The following GBX1 variants were observed in gnomAD, a reference collection of about 807,000 sequenced individuals.
The protein encoded by GBX1 is homeobox protein GBX-1.
A neutral mutation model predicts 22.9 loss-of-function variants in GBX1; 9 were observed. The ratio of observed to expected loss-of-function variants is 0.39; its 90% CI spans 0.24 to 0.69. The LOEUF (loss-of-function observed/expected upper bound fraction) is 0.69. Ranked by LOEUF, GBX1 falls within the 30% of genes least tolerant of loss-of-function variation. The pLI is 0.43. For synonymous variants in GBX1, 203 were observed against 227.3 expected, an observed-to-expected ratio of 0.89 and a Z score of 0.96; for missense variants, 494 against 509.2, an observed-to-expected ratio of 0.97 and a Z score of 0.29.
rs1289578110 is a variant in GBX1 at position 151,148,145 on chromosome 7, A to C, written c.*444T>G. Among the ~76,000 whole-genome samples, 3 of 152,184 alleles carry C rather than the reference A, an allele frequency of 2.0e-5. No individual in the cohort carries two copies. The highest frequency in any genetic ancestry group is 2.0e-4 in the Admixed American group (3 of 15,272). On this transcript the variant is annotated 3_prime_UTR_variant, in exon 2 of 2. Transcript: ENST00000297537. The surrounding 1 kb of genome is among the most constrained non-coding windows in gnomAD (Gnocchi z 5.1). ...CTCAGGGGTGCAGACAGACGTACAG[A>C]GACAGATAGCTCCATATATACACAT...
At chr7:151,154,177 C>A (rs1801109324) in intron 1 of GBX1, among the ~76,000 whole-genome samples, 1 of 152,002 alleles carries the variant, frequency 6.6e-6, no homozygotes, top group African/African-American at 2.4e-5. Context: ...CGCCACTGCA[C>A]TCCAGCCTGG....
At position 151,149,235 on chromosome 7, in the gene GBX1, G is replaced by A. The variant is rs141040962; in HGVS notation, c.539-93C>T. 3 of 1,249,198 alleles carry A rather than the reference G, an allele frequency of 2.4e-6. No individual in the cohort carries two copies. The East Asian group carries it at 7.0e-5, about 29-fold the overall frequency. The allele number at this position is 1,249,198 out of a possible 1,614,324, so 77.4% of individuals were successfully genotyped here. ...ATGGAACCATGGCCAGAAATGGGGG[G>A]TTGGGAGACAAGAGCAGGAAAAAAG... is the stretch of plus-strand genomic sequence containing the variant. On this transcript the variant is annotated intron_variant, in intron 1 of 1. Coordinates refer to ENST00000297537, the MANE Select transcript of GBX1 (RefSeq NM_001098834.3).
intron 1 of GBX1, among the ~76,000 whole-genome samples, chr7:151,164,988 AAC>A (rs373616161): frequency 6.2e-4 from 93 of 150,532 alleles, no homozygotes; most frequent in South Asian, 1.1e-3. Flanking sequence ...CACACACACA[AAC>A]ACACACACAC....
At chr7:151,157,012 T>C (rs1162802412) in intron 1 of GBX1, among the ~76,000 whole-genome samples, 1 of 136,762 alleles carries the variant, frequency 7.3e-6, no homozygotes, top group Non-Finnish European at 1.6e-5. Flanking sequence ...AAAAAGTGTA[T>C]TTTCTAACTT....
In GBX1 at chr7:151,148,452, C is replaced by T. The variant is rs1017859891; in HGVS notation, c.*137G>A. 1.3e-6 allele frequency: 1 copy of T among 785,600 alleles called. No homozygotes were observed. Among genetic ancestry groups the T allele is most frequent in the Non-Finnish European group, 2.0e-6 (1 of 495,366 alleles). 48.7% of individuals were successfully genotyped at this position (785,600 alleles called of 1,614,324 possible). ...GGGAGGAGTCTGGGAAGAGCACACCCAGGGCTAGGTTAATTGCCAACTAGC... is the reference window on the plus strand; with the variant it reads ...GGGAGGAGTCTGGGAAGAGCACACCTAGGGCTAGGTTAATTGCCAACTAGC... On this transcript the variant is annotated 3_prime_UTR_variant, in exon 2 of 2. Transcript: ENST00000297537. This position sits in a 1 kb window ranked among gnomAD's most constrained non-coding sequence, Gnocchi z 5.1.
chr7:151,149,613 TG>T (rs1224215482), intron 1 of GBX1, among the ~76,000 whole-genome samples: 1 of 152,072 alleles, frequency 6.6e-6, no homozygotes, highest in East Asian at 1.9e-4. Flanking sequence ...CTGGAGCCAC[TG>T]GGGGGAGGAG....
At chr7:151,155,709 T>G (rs1396561900) in intron 1 of GBX1, among the ~76,000 whole-genome samples, 1 of 152,190 alleles carries the variant, frequency 6.6e-6, no homozygotes, top group African/African-American at 2.4e-5. Context: ...CAGGGCATAC[T>G]AACATTGCCA....
chr7:151,150,708 C>T (rs186176496), intron 1 of GBX1, among the ~76,000 whole-genome samples: 1 of 151,964 alleles, frequency 6.6e-6, no homozygotes, highest in African/African-American at 2.4e-5. Flanking sequence ...GCCACATTGA[C>T]ATTTTCTTTT....
chr7:151,148,743 C>T lies in GBX1; in HGVS notation c.938G>A (p.Arg313Gln). Residue 313 changes from arginine (R) to glutamine (Q), a missense_variant, in exon 2 of 2, where the codon CGG becomes CAG. Arg to Gln is a conservative substitution (Grantham distance 43, BLOSUM62 1). This residue lies in a region of GBX1 where 124 missense variants were observed against 152.0 expected (regional missense o/e 0.82). Coordinates refer to ENST00000297537, the MANE Select transcript of GBX1 (RefSeq NM_001098834.3). The surrounding 1 kb of genome is among the most constrained non-coding windows in gnomAD (Gnocchi z 5.1). ...AGCTTTGATGCGCTTCCACTTGGCCCGTCGATTCTGAAACCAGATCTTGAC... is the reference window on the plus strand; with the variant it reads ...AGCTTTGATGCGCTTCCACTTGGCCTGTCGATTCTGAAACCAGATCTTGAC... ...VQVKIWFQNR[R>Q]AKWKRIKAGN... 3 of 1,614,190 alleles carry T rather than the reference C, an allele frequency of 1.9e-6. No homozygotes were observed. Among genetic ancestry groups the T allele is most frequent in the East Asian group, 2.2e-5 (1 of 44,886 alleles).
At position 151,167,617 on chromosome 7, in the gene GBX1, C is replaced by T. The variant is rs1013009208; in HGVS notation, c.-69G>A. 2.3e-5 allele frequency: 28 copies of T among 1,225,076 alleles called. No individual in the cohort carries two copies. Among genetic ancestry groups the T allele is most frequent in the Non-Finnish European group, 2.7e-5 (27 of 987,508 alleles). 75.9% of individuals were successfully genotyped at this position (1,225,076 alleles called of 1,614,324 possible). ...GCCTCCGTGCGCCCCGCGGCTCGGG[C>T]GCCCCGCGCGGACACGCAGGGCTCG... On this transcript the variant is annotated 5_prime_UTR_variant, in exon 1 of 2. Coordinates refer to ENST00000297537, the MANE Select transcript of GBX1 (RefSeq NM_001098834.3). The surrounding 1 kb of genome is among the most constrained non-coding windows in gnomAD (Gnocchi z 5.9).
At chr7:151,161,176 T>C (rs575350543) in intron 1 of GBX1, among the ~76,000 whole-genome samples, 2 of 152,224 alleles carry the variant, frequency 1.3e-5, no homozygotes, top group African/African-American at 4.8e-5. Flanking sequence ...TGTTCTTCCT[T>C]CTTTCCAATT....
chr7:151,163,696 T>A (rs935392684), intron 1 of GBX1, among the ~76,000 whole-genome samples: 2 of 152,200 alleles, frequency 1.3e-5, no homozygotes, highest in East Asian at 1.9e-4. Context: ...TAATAAAAAA[T>A]TTTTAATGAC....
chr7:151,153,305 C>T (rs938486692), intron 1 of GBX1, among the ~76,000 whole-genome samples: 6 of 152,200 alleles, frequency 3.9e-5, no homozygotes, highest in African/African-American at 1.4e-4. Context: ...TTGCTCTCTG[C>T]TGCCCCAAGA....
chr7:151,156,704 G>A (rs1801139276), intron 1 of GBX1, among the ~76,000 whole-genome samples: 1 of 151,934 alleles, frequency 6.6e-6, no homozygotes, highest in Non-Finnish European at 1.5e-5. Context: ...TGCATTTTTG[G>A]CTGGGCACGG....
Position 151,148,890 on chromosome 7 carries a change from C to T in GBX1, c.791G>A (p.Arg264His), listed in dbSNP as rs200333232. ...CTGCTCGCTGGTAAATGCTGTGCGG[C>T]GCCGTCGGCTTTTCCCCCCAGGAGC... Reference protein sequence around the residue: ...VTAPGGKSRRRRTAFTSEQLL... With the variant: ...VTAPGGKSRRHRTAFTSEQLL... Residue 264 changes from arginine (R) to histidine (H), a missense_variant, in exon 2 of 2, where the codon CGC (arginine) becomes CAC (histidine). Around this residue, in one of 3 missense-constraint regions of GBX1, gnomAD observed 124 missense variants for 152.0 expected, o/e 0.82. Transcript: ENST00000297537. This position sits in a 1 kb window ranked among gnomAD's most constrained non-coding sequence, Gnocchi z 5.1. 462 of 1,614,156 alleles carry T rather than the reference C, an allele frequency of 2.9e-4. 2 individuals carry two copies. The highest frequency in any genetic ancestry group is 1.7e-3 in the Admixed American group (101 of 60,026).
chr7:151,159,799 G>A (rs1801172264), intron 1 of GBX1, among the ~76,000 whole-genome samples: 1 of 152,196 alleles, frequency 6.6e-6, no homozygotes, highest in Non-Finnish European at 1.5e-5. Flanking sequence ...TTCCTCGCCA[G>A]TTAAAGTTGG....
chr7:151,158,242 C>T (rs1265132673), intron 1 of GBX1, among the ~76,000 whole-genome samples: 2 of 152,174 alleles, frequency 1.3e-5, no homozygotes, highest in Non-Finnish European at 1.5e-5. Context: ...ACTCTCCCAT[C>T]CACGCTAATG....
chr7:151,167,204 G>GA lies in GBX1; in HGVS notation c.344dup (p.Tyr116LeufsTer36), dbSNP rs1408007075. ...CGGCGGCGAGCTCCTGGGGCCCGTA[G>GA]AAAGCGTCGGGCGGCTCCGCGAAGC... On this transcript the variant is annotated frameshift_variant, in exon 1 of 2. Transcript: ENST00000297537. LOFTEE classifies it high-confidence loss of function. The surrounding 1 kb of genome is among the most constrained non-coding windows in gnomAD (Gnocchi z 5.9). The GA allele has an allele frequency of 2.6e-6, 4 of 1,566,382 alleles. No individual in the cohort carries two copies. In the South Asian group the frequency reaches 4.6e-5, roughly 18 times the overall value.
chr7:151,152,025 T>C (rs1020100363), intron 1 of GBX1, among the ~76,000 whole-genome samples: 3 of 152,250 alleles, frequency 2.0e-5, no homozygotes, highest in African/African-American at 7.2e-5. Context: ...TTACCAATTT[T>C]ATTCATTTAT....
Sources: allele counts gnomAD v4.1 joint callset (sites outside exome capture counted in the v4.1 genomes callset), GRCh38; gene constraint gnomAD v4.1.1; regional missense constraint gnomAD v4.1.1; non-coding constraint Gnocchi (gnomAD v3.1); transcripts MANE v1.5; gene names NCBI Gene and HGNC (gene_info 2026-07-23, HGNC 2026-07-21).